The following CNTN4 variants were observed in gnomAD, a reference collection of about 807,000 sequenced individuals.
CNTN4 encodes the protein contactin-4.
Under a neutral mutation model 122.5 loss-of-function variants are expected in CNTN4, and 77 were observed. The observed-to-expected ratio is 0.63, with a 90% CI of 0.52 to 0.76. The LOEUF (loss-of-function observed/expected upper bound fraction) is 0.76. Ranked by LOEUF, CNTN4 falls within the 30% of genes least tolerant of loss-of-function variation. The pLI, the probability that CNTN4 is intolerant of heterozygous loss-of-function variation, is 0.00. For synonymous variants in CNTN4, 512 were observed against 447.0 expected (o/e 1.15, Z -1.83); for missense variants, 1,256 against 1,259.1 (o/e 1.00, Z 0.04).
intron 4 of CNTN4, among the ~76,000 whole-genome samples, chr3:2,708,727 T>TGTCTCACACA (rs2086900140): frequency 6.6e-6 from 1 of 150,894 alleles, no homozygotes; most frequent in African/African-American, 2.4e-5. Flanking sequence ...CACGCGCGCA[T>TGTCTCACACA]CACACACACA....
At chr3:3,006,582 T>C in intron 14 of CNTN4, among the ~76,000 whole-genome samples, 1 of 152,188 alleles carries the variant, frequency 6.6e-6, no homozygotes, top group East Asian at 1.9e-4. Flanking sequence ...CCTTTTACTA[T>C]ACCTTATTGT....
chr3:2,245,705 A>G (rs2040118042), intron 2 of CNTN4, among the ~76,000 whole-genome samples: 1 of 152,006 alleles, frequency 6.6e-6, no homozygotes, highest in Non-Finnish European at 1.5e-5. Context: ...TTGTAGACAA[A>G]AGATTGTAGG....
At chr3:2,245,137 T>C (rs2040093217) in intron 2 of CNTN4, among the ~76,000 whole-genome samples, 1 of 152,026 alleles carries the variant, frequency 6.6e-6, no homozygotes, top group Non-Finnish European at 1.5e-5. Context: ...TGTTCCCATA[T>C]CTGGATGATA....
At chr3:2,224,852 A>G (rs761194300) in intron 2 of CNTN4, among the ~76,000 whole-genome samples, 3 of 152,188 alleles carry the variant, frequency 2.0e-5, no homozygotes, top group Non-Finnish European at 2.9e-5. Flanking sequence ...AAATGATATT[A>G]GAAGTACTAA....
At chr3:2,276,416 C>T (rs187333089) in intron 2 of CNTN4, among the ~76,000 whole-genome samples, 17 of 152,258 alleles carry the variant, frequency 1.1e-4, no homozygotes, top group African/African-American at 4.1e-4. Flanking sequence ...TCAAGTGATC[C>T]ACCTGCCTCT....
intron 2 of CNTN4, among the ~76,000 whole-genome samples, chr3:2,232,211 G>C (rs1241055752): frequency 2.6e-5 from 4 of 151,998 alleles, no homozygotes; most frequent in Non-Finnish European, 5.9e-5. Flanking sequence ...TACAGTCAAT[G>C]CCTCATTTAA....
At chr3:2,298,636 A>G (rs959317828) in intron 2 of CNTN4, among the ~76,000 whole-genome samples, 1 of 152,192 alleles carries the variant, frequency 6.6e-6, no homozygotes, top group East Asian at 1.9e-4. Context: ...CTAATGCCAC[A>G]TATGTGGAGG....
chr3:3,021,652 C>A (rs1698301146), intron 14 of CNTN4, among the ~76,000 whole-genome samples: 1 of 152,116 alleles, frequency 6.6e-6, no homozygotes, highest in South Asian at 2.1e-4. Flanking sequence ...TGATAGGCAC[C>A]AAGTGAATAT....
chr3:2,108,543 A>G (rs2032660344), intron 2 of CNTN4, among the ~76,000 whole-genome samples: 2 of 152,148 alleles, frequency 1.3e-5, no homozygotes, highest in African/African-American at 2.4e-5. Flanking sequence ...ACTCGGTGCA[A>G]TGGAATTTCA....
At chr3:2,400,443 A>ATATATATATG (rs1423384267) in intron 3 of CNTN4, among the ~76,000 whole-genome samples, 2 of 136,646 alleles carry the variant, frequency 1.5e-5, no homozygotes, top group Non-Finnish European at 3.2e-5. Flanking sequence ...ATATATATAT[A>ATATATATATG]TATATATCTC....
At chr3:2,820,841 C>T (rs908936450) in intron 7 of CNTN4, among the ~76,000 whole-genome samples, 1 of 151,586 alleles carries the variant, frequency 6.6e-6, no homozygotes, top group South Asian at 2.1e-4. Flanking sequence ...AATCTACGAT[C>T]ACTTTGTGGA....
At chr3:2,903,179 A>G (rs1251620597) in intron 12 of CNTN4, among the ~76,000 whole-genome samples, 174 bp downstream of exon 12, 1 of 152,212 alleles carries the variant, frequency 6.6e-6, no homozygotes, top group African/African-American at 2.4e-5. Flanking sequence ...TAACAAGAGA[A>G]CGCTTTCTAA....
intron 3 of CNTN4, among the ~76,000 whole-genome samples, chr3:2,551,419 C>G (rs1369756173): frequency 6.6e-6 from 1 of 151,332 alleles, no homozygotes; most frequent in Non-Finnish European, 1.5e-5. Flanking sequence ...CAAATACACA[C>G]AAGATTTTCT....
chr3:2,191,709 T>C (rs2320381), intron 2 of CNTN4, among the ~76,000 whole-genome samples: 110,017 of 150,862 alleles, frequency 0.73, 40,518 homozygotes, highest in South Asian at 0.83. Context: ...TATATATATA[T>C]ACACACACAC....
At chr3:2,574,184 C>G (rs892531590) in intron 4 of CNTN4, among the ~76,000 whole-genome samples, 1 of 152,188 alleles carries the variant, frequency 6.6e-6, no homozygotes. Context: ...CCACTGCACT[C>G]CAGCCTGGGC....
intron 3 of CNTN4, chr3:2,511,702 G>A (rs994649407): frequency 3.3e-5 from 5 of 152,220 alleles, no homozygotes; most frequent in Non-Finnish European, 5.9e-5. Flanking sequence ...CAGTCTGTAA[G>A]TACCAGGTTT....
chr3:2,879,520 CA>C (rs2093882755), intron 8 of CNTN4, among the ~76,000 whole-genome samples: 1 of 152,146 alleles, frequency 6.6e-6, no homozygotes, highest in South Asian at 2.1e-4. Flanking sequence ...TAAAAAGGAA[CA>C]AACTACTGGT....
At chr3:2,667,035 A>T (rs1007711145) in intron 4 of CNTN4, among the ~76,000 whole-genome samples, 2 of 151,974 alleles carry the variant, frequency 1.3e-5, no homozygotes, top group African/African-American at 2.4e-5. Flanking sequence ...ATTGTGAATC[A>T]TGTCTCAATA....
At chr3:2,302,903 C>G (rs191581960) in intron 2 of CNTN4, among the ~76,000 whole-genome samples, 1 of 152,290 alleles carries the variant, frequency 6.6e-6, no homozygotes. Flanking sequence ...AATGAAATTT[C>G]AAAAACCATG....
Sources: allele counts gnomAD v4.1 joint callset (sites outside exome capture counted in the v4.1 genomes callset), GRCh38; gene constraint gnomAD v4.1.1; transcripts MANE v1.5; gene names NCBI Gene and HGNC (gene_info 2026-07-23, HGNC 2026-07-21).